NME7: variants seen among roughly 807,000 people sequenced by gnomAD.
The protein encoded by NME7 is NME/NM23 family member 7, also known as nucleoside diphosphate kinase 7.
NME7 carries 41 observed loss-of-function variants against 49.1 expected under a neutral mutation model. The ratio of observed to expected loss-of-function variants is 0.83; its 90% CI spans 0.65 to 1.08. The LOEUF is 1.08. NME7 is among the 50% of genes least tolerant of loss of function. The probability of loss-of-function intolerance (pLI) is 0.00; values close to 1 mark genes in which losing one functional copy is unlikely to be tolerated. For missense variants in NME7, 423 were observed against 463.4 expected (o/e 0.91, Z 0.80); for synonymous variants, 139 against 150.6 (o/e 0.92, Z 0.56).
chr1:169,240,400 T>G (rs1648040723), intron 7 of NME7, among the ~76,000 whole-genome samples: 1 of 152,000 alleles, frequency 6.6e-6, no homozygotes, highest in African/African-American at 2.4e-5. Context: ...TTCAATCTGT[T>G]GCCATATGTT....
chr1:169,322,236 T>A (rs547980309), intron 3 of NME7: 1 of 152,344 alleles, frequency 6.6e-6, no homozygotes, highest in Non-Finnish European at 1.5e-5. Context: ...TACAGATGAC[T>A]GTATCTCTTC....
At chr1:169,150,873 AG>A (rs1658894690) in intron 11 of NME7, among the ~76,000 whole-genome samples, 1 of 152,186 alleles carries the variant, frequency 6.6e-6, no homozygotes, top group Non-Finnish European at 1.5e-5. Context: ...CAAACATAAA[AG>A]GCTACACTAA....
intron 10 of NME7, among the ~76,000 whole-genome samples, chr1:169,191,814 CTT>C (rs1491496678): frequency 1.3e-5 from 2 of 151,800 alleles, no homozygotes; most frequent in South Asian, 2.1e-4. Context: ...ATTTAAATCT[CTT>C]ATCCTTTTTC....
intron 1 of NME7, among the ~76,000 whole-genome samples, chr1:169,342,803 G>A (rs1224065130): frequency 1.8e-4 from 6 of 33,272 alleles, no homozygotes; most frequent in African/African-American, 4.9e-4. Context: ...ATATATACAA[G>A]TACATATATA....
chr1:169,337,029 CG>C (rs1302450988), intron 1 of NME7, among the ~76,000 whole-genome samples: 1 of 152,226 alleles, frequency 6.6e-6, no homozygotes, highest in Non-Finnish European at 1.5e-5. Context: ...GATCCCGCAC[CG>C]GGGCTGCAGG....
chr1:169,273,231 C>T (rs1649553766), intron 7 of NME7, among the ~76,000 whole-genome samples: 1 of 130,926 alleles, frequency 7.6e-6, no homozygotes, highest in African/African-American at 2.6e-5. Context: ...CCTGACAGGC[C>T]CCAGTGTGTG....
chr1:169,362,662 G>A (rs930761288), intron 1 of NME7, among the ~76,000 whole-genome samples: 2 of 152,186 alleles, frequency 1.3e-5, no homozygotes, highest in Non-Finnish European at 2.9e-5. Flanking sequence ...GCTGCTTATT[G>A]AGAGGCCATA....
chr1:169,329,096 C>CA (rs1207221378), intron 1 of NME7, among the ~76,000 whole-genome samples: 2 of 152,086 alleles, frequency 1.3e-5, no homozygotes, highest in Non-Finnish European at 2.9e-5. Flanking sequence ...ACCTTTCAGA[C>CA]AGAGTATTCA....
chr1:169,295,375 T>A (rs994018169), intron 6 of NME7, among the ~76,000 whole-genome samples: 1 of 152,122 alleles, frequency 6.6e-6, no homozygotes, highest in African/African-American at 2.4e-5. Context: ...AAGGTGGTAA[T>A]AGGGTGAAAT....
chr1:169,336,638 C>A (rs1204639621), intron 1 of NME7, among the ~76,000 whole-genome samples: 1 of 150,932 alleles, frequency 6.6e-6, no homozygotes, highest in Admixed American at 6.6e-5. Flanking sequence ...AAACCTTGAG[C>A]TAGATACAGA....
chr1:169,200,547 C>G (rs1024609852), intron 10 of NME7, among the ~76,000 whole-genome samples: 3 of 152,050 alleles, frequency 2.0e-5, no homozygotes, highest in Non-Finnish European at 2.9e-5. Flanking sequence ...ATATGCAAAC[C>G]AACCAGGTCA....
chr1:169,354,603 A>C (rs1347397118), intron 1 of NME7, among the ~76,000 whole-genome samples: 1 of 150,260 alleles, frequency 6.7e-6, no homozygotes, highest in Non-Finnish European at 1.5e-5. Context: ...TTTATTATGC[A>C]TTGCATGCCT....
intron 7 of NME7, among the ~76,000 whole-genome samples, chr1:169,257,462 T>A (rs1649001852): frequency 7.5e-6 from 1 of 133,404 alleles, no homozygotes; most frequent in African/African-American, 2.5e-5. Context: ...GCGCCCACTG[T>A]CTGGCACTCC....
intron 10 of NME7, among the ~76,000 whole-genome samples, chr1:169,201,286 AG>A (rs1660543610): frequency 6.6e-6 from 1 of 152,186 alleles, no homozygotes; most frequent in Non-Finnish European, 1.5e-5. Context: ...ATAGACAGAA[AG>A]GGGCAAGACC....
intron 10 of NME7, among the ~76,000 whole-genome samples, chr1:169,186,717 T>C (rs922891234): frequency 6.6e-6 from 1 of 152,190 alleles, no homozygotes; most frequent in South Asian, 2.1e-4. Flanking sequence ...GCTCCTGGAT[T>C]CACTGATTTT....
intron 1 of NME7, among the ~76,000 whole-genome samples, chr1:169,360,437 T>G (rs1178182985): frequency 6.6e-6 from 1 of 152,178 alleles, no homozygotes; most frequent in East Asian, 1.9e-4. Context: ...TTTGATGGAA[T>G]AGGTAAAATA....
At chr1:169,250,165 C>A (rs1328017809) in intron 7 of NME7, among the ~76,000 whole-genome samples, 1 of 151,848 alleles carries the variant, frequency 6.6e-6, no homozygotes, top group Non-Finnish European at 1.5e-5. Flanking sequence ...TGTTCTTGGT[C>A]TGTTCGGGGT....
intron 11 of NME7, among the ~76,000 whole-genome samples, chr1:169,161,718 C>A (rs1659250554): frequency 6.6e-6 from 1 of 152,138 alleles, no homozygotes; most frequent in African/African-American, 2.4e-5. Flanking sequence ...TATAGTTTAA[C>A]CTGAAAACAA....
chr1:169,177,692 C>G (rs555001198), intron 10 of NME7, among the ~76,000 whole-genome samples: 9 of 152,204 alleles, frequency 5.9e-5, no homozygotes, highest in Non-Finnish European at 4.4e-5. Flanking sequence ...CCAACCCCAC[C>G]TGAAATGAAC....
Sources: gnomAD v4.1 joint callset for allele counts (sites outside exome capture counted in the v4.1 genomes callset) on GRCh38, gnomAD v4.1.1 for gene constraint, MANE v1.5 for transcripts, NCBI Gene and HGNC (gene_info 2026-07-23, HGNC 2026-07-21) for gene names.